RNF138: variants seen among roughly 807,000 people sequenced by gnomAD.
The protein encoded by RNF138 is ring finger protein 138, also known as E3 ubiquitin-protein ligase RNF138.
Under a neutral mutation model 31.0 loss-of-function variants are expected in RNF138, and 12 were observed. The observed-to-expected ratio is 0.39, with a 90% CI of 0.25 to 0.63. RNF138 has a LOEUF of 0.63. RNF138 is among the 20% of genes least tolerant of loss of function. The pLI, the probability that RNF138 is intolerant of heterozygous loss-of-function variation, is 0.52. For missense variants in RNF138, 192 were observed against 300.1 expected (o/e 0.64, Z 2.66); for synonymous variants, 105 against 99.5 (o/e 1.06, Z -0.33).
chr18:32,115,738 C>T (rs893603952), intron 4 of RNF138, among the ~76,000 whole-genome samples: 8 of 152,120 alleles, frequency 5.3e-5, no homozygotes, highest in Non-Finnish European at 1.2e-4. Flanking sequence ...GAGTCAGACT[C>T]CGTCTAAAAC....
intron 4 of RNF138, among the ~76,000 whole-genome samples, chr18:32,122,069 A>G (rs542734037): frequency 6.6e-6 from 1 of 152,144 alleles, no homozygotes; most frequent in African/African-American, 2.4e-5. Flanking sequence ...GGGTTTCACC[A>G]TGTTGGCTAG....
At chr18:32,093,095 C>G (rs1407946961) in intron 2 of RNF138, among the ~76,000 whole-genome samples, 1 of 145,354 alleles carries the variant, frequency 6.9e-6, no homozygotes, top group African/African-American at 2.7e-5. Context: ...GTCCAGCCCC[C>G]TCAGCCCAAG....
At chr18:32,097,747 C>G (rs907664312) in intron 2 of RNF138, among the ~76,000 whole-genome samples, 2 of 150,990 alleles carry the variant, frequency 1.3e-5, no homozygotes, top group Admixed American at 1.3e-4. Flanking sequence ...GGTCTCGAAC[C>G]CCTGCGCTCA....
Position 32,098,298 on chromosome 18 carries a change from G to A in RNF138, c.110+5412G>A, listed in dbSNP as rs116463302. ...TAGGATTACAGGTGTGAGCCACTGCGCCCACAATATATTTCTTATAGTTTA... is the reference window on the plus strand; with the variant it reads ...TAGGATTACAGGTGTGAGCCACTGCACCCACAATATATTTCTTATAGTTTA... On this transcript the variant is annotated intron_variant, in intron 2 of 7. Coordinates refer to ENST00000261593, the MANE Select transcript of RNF138 (RefSeq NM_016271.5). 5.5e-3 allele frequency among the ~76,000 whole-genome samples: 837 copies of A among 151,930 alleles called. 7 individuals carry two copies. The highest frequency in any genetic ancestry group is 0.019 in the African/African-American group (788 of 41,422).
At chr18:32,107,151 C>T (rs551102396) in intron 2 of RNF138, among the ~76,000 whole-genome samples, 1 of 118,120 alleles carries the variant, frequency 8.5e-6, no homozygotes, top group South Asian at 2.7e-4. Context: ...GACGGAATCT[C>T]GCTCTGTCAC....
In RNF138 at chr18:32,092,234, A is replaced by T. The variant is rs1274968664; in HGVS notation, c.-79A>T. The T allele has an allele frequency of 1.3e-5, 2 of 152,584 alleles. No individual in the cohort carries two copies. Among genetic ancestry groups the T allele is most frequent in the Non-Finnish European group, 2.9e-5 (2 of 68,200 alleles). The allele number at this position is 152,584 out of a possible 1,614,324, so 9.5% of individuals were successfully genotyped here. A position where few individuals can be genotyped will look rare whatever the true frequency, so the allele number is the denominator to read the frequency against. ...TCCACAACGCCGCTTCGGGGCTCCTAGGTGAGAGTCTCCCCGGCGGAAGCG... is the reference window on the plus strand; with the variant it reads ...TCCACAACGCCGCTTCGGGGCTCCTTGGTGAGAGTCTCCCCGGCGGAAGCG... On this transcript the variant is annotated splice_region_variant and 5_prime_UTR_variant, in exon 1 of 8. Coordinates refer to ENST00000261593, the MANE Select transcript of RNF138 (RefSeq NM_016271.5).
At position 32,091,894 on chromosome 18, in the gene RNF138, C is replaced by T. The variant is rs1245826722; in HGVS notation, c.-419C>T. On this transcript the variant is annotated 5_prime_UTR_variant, in exon 1 of 8. Transcript: ENST00000261593. ...AAGGCGCCGTGCGCCGGTTGCTATA[C>T]AGGCCGCACTTCACACCCCGTGCCT... The T allele has an allele frequency of 1.3e-5, 2 of 152,152 alleles. No homozygotes were observed. Among genetic ancestry groups the T allele is most frequent in the South Asian group, 2.1e-4 (1 of 4,826 alleles). 9.4% of individuals were successfully genotyped at this position (152,152 alleles called of 1,614,324 possible). A position where few individuals can be genotyped will look rare whatever the true frequency, so the allele number is the denominator to read the frequency against.
At chr18:32,107,286 A>C (rs1180170128) in intron 2 of RNF138, among the ~76,000 whole-genome samples, 1 of 150,510 alleles carries the variant, frequency 6.6e-6, no homozygotes, top group Admixed American at 6.6e-5. Flanking sequence ...ACGCCCAGCT[A>C]ATTTTTTTTT....
At chr18:32,103,034 A>G (rs2039969927) in intron 2 of RNF138, among the ~76,000 whole-genome samples, 1 of 152,192 alleles carries the variant, frequency 6.6e-6, no homozygotes, top group East Asian at 1.9e-4. Context: ...TAGCCTATAT[A>G]TATACATGTG....
chr18:32,102,789 C>T (rs1465575085), intron 2 of RNF138, among the ~76,000 whole-genome samples: 1 of 152,074 alleles, frequency 6.6e-6, no homozygotes, highest in East Asian at 1.9e-4. Context: ...CGCAACACCA[C>T]GCCCAGCTAA....
At chr18:32,101,040 T>G (rs2144572872) in intron 2 of RNF138, among the ~76,000 whole-genome samples, 1 of 152,288 alleles carries the variant, frequency 6.6e-6, no homozygotes, top group Admixed American at 6.5e-5. Context: ...AGTGATATTG[T>G]TGCTGATATC....
intron 4 of RNF138, chr18:32,122,457 A>C (rs2040321902): frequency 7.1e-6 from 1 of 140,652 alleles, no homozygotes; most frequent in African/African-American, 2.4e-5. Context: ...GTATTGTACA[A>C]TTTTTCTTAG....
chr18:32,097,660 A>G (rs1038570318), intron 2 of RNF138, among the ~76,000 whole-genome samples: 72 of 151,924 alleles, frequency 4.7e-4, no homozygotes, highest in African/African-American at 1.7e-3. Context: ...GGCATGCACC[A>G]CCATGCTCGG....
At chr18:32,119,171 C>T (rs2040263612) in intron 4 of RNF138, among the ~76,000 whole-genome samples, 1 of 152,124 alleles carries the variant, frequency 6.6e-6, no homozygotes. Flanking sequence ...AATGCCACTT[C>T]TGTTCTACAC....
At chr18:32,107,267 C>T (rs765414152) in intron 2 of RNF138, among the ~76,000 whole-genome samples, 12 of 150,314 alleles carry the variant, frequency 8.0e-5, no homozygotes, top group Non-Finnish European at 1.6e-4. Flanking sequence ...ACTACAGGTG[C>T]ACGCTGCCAC....
chr18:32,102,695 C>G (rs2144577394), intron 2 of RNF138, among the ~76,000 whole-genome samples: 1 of 150,980 alleles, frequency 6.6e-6, no homozygotes, highest in Middle Eastern at 3.5e-3. Flanking sequence ...TACAGTGGCA[C>G]TATCTCGGCT....
chr18:32,119,631 C>G (rs1187505978), intron 4 of RNF138, among the ~76,000 whole-genome samples: 1 of 152,272 alleles, frequency 6.6e-6, no homozygotes, highest in East Asian at 1.9e-4. Flanking sequence ...GCCATGTTGG[C>G]CAAGCTGGTC....
intron 4 of RNF138, among the ~76,000 whole-genome samples, chr18:32,116,740 G>A (rs1166213169): frequency 6.6e-6 from 1 of 151,520 alleles, no homozygotes; most frequent in African/African-American, 2.4e-5. Flanking sequence ...TTTGGGGTGG[G>A]GGGGTGGTTT....
rs2040465492 is a variant in RNF138 at position 32,130,953 on chromosome 18, A to G, written c.*1766A>G. ...CCATAGTGTTTTCCAGTTTAAAGCA[A>G]TAACTTTCATAGTTTCTTTCAAAGT... On this transcript the variant is annotated 3_prime_UTR_variant, in exon 8 of 8. Coordinates refer to ENST00000261593, the MANE Select transcript of RNF138 (RefSeq NM_016271.5). 6.6e-6 allele frequency: 1 copy of G among 152,462 alleles called. No homozygotes were observed. The highest frequency in any genetic ancestry group is 1.5e-5 in the Non-Finnish European group (1 of 67,904). The allele number at this position is 152,462 out of a possible 1,614,324, so 9.4% of individuals were successfully genotyped here.
Sources: gnomAD v4.1 joint callset for allele counts (sites outside exome capture counted in the v4.1 genomes callset) on GRCh38, gnomAD v4.1.1 for gene constraint, MANE v1.5 for transcripts, NCBI Gene and HGNC (gene_info 2026-07-23, HGNC 2026-07-21) for gene names.